The following FBXO11 variants were observed in gnomAD, a reference collection of about 807,000 sequenced individuals.
The protein encoded by FBXO11 is F-box only protein 11.
Under a neutral mutation model 117.0 loss-of-function variants are expected in FBXO11, and 13 were observed. That is an observed-to-expected ratio of 0.11 (90% CI 0.07 to 0.18). FBXO11 has a LOEUF of 0.18. Among genes scored for constraint, FBXO11 ranks in the 10% least tolerant of loss-of-function variants. The pLI is 1.00. For missense variants in FBXO11, 767 were observed against 1,164.4 expected (o/e 0.66, Z 4.97); for synonymous variants, 490 against 380.5 (o/e 1.29, Z -3.35).
chr2:47,874,722 A>G (rs1402394743), intron 1 of FBXO11, among the ~76,000 whole-genome samples: 2 of 152,000 alleles, frequency 1.3e-5, no homozygotes, highest in East Asian at 3.8e-4. Flanking sequence ...TTTAGTAGAG[A>G]TGGGATTTCA....
At chr2:47,894,179 T>C (rs975253173) in intron 1 of FBXO11, among the ~76,000 whole-genome samples, 2 of 152,178 alleles carry the variant, frequency 1.3e-5, no homozygotes, top group Admixed American at 6.5e-5. Context: ...TCAAGGATGC[T>C]GGGCAGAGGC....
rs1671434450 is a variant in FBXO11, at chr2:47,822,103, T to G, written c.1702+115A>C. ...CTCATTTCTTTAAAAAAGAAAAAAA[T>G]TAAAGAGCTGGATCAGTGCTTCCAC... On this transcript the variant is annotated intron_variant, in intron 13 of 22. Coordinates refer to ENST00000403359, the MANE Select transcript of FBXO11 (RefSeq NM_001190274.2). 5.6e-6 allele frequency: 4 copies of G among 720,110 alleles called. No individual in the cohort carries two copies. In the East Asian group the frequency reaches 8.8e-5, roughly 16 times the overall value. The allele number at this position is 720,110 out of a possible 1,614,324, so 44.6% of individuals were successfully genotyped here. A position where few individuals can be genotyped will look rare whatever the true frequency, so the allele number is the denominator to read the frequency against.
In FBXO11 at chr2:47,905,826, A is replaced by T. The variant is rs1212477100; in HGVS notation, c.-106T>A. 1 of 305,840 alleles carries T rather than the reference A, an allele frequency of 3.3e-6. No individual in the cohort carries two copies. Among genetic ancestry groups the T allele is most frequent in the Non-Finnish European group, 5.5e-6 (1 of 181,790 alleles). The allele number at this position is 305,840 out of a possible 1,614,324, so 18.9% of individuals were successfully genotyped here. ...TGGGGAGAGTGGGAGAGGGGGGAGG[A>T]AGGAGAGGGGGCGAGGGGAAGGGGA... On this transcript the variant is annotated 5_prime_UTR_variant, in exon 1 of 23. Transcript: ENST00000403359.
At chr2:47,821,904 C>T (rs532502545) in intron 13 of FBXO11, among the ~76,000 whole-genome samples, 5 of 152,098 alleles carry the variant, frequency 3.3e-5, no homozygotes, top group Non-Finnish European at 7.4e-5. Flanking sequence ...CCAGCCTGGG[C>T]AACAAGGCAA....
chr2:47,831,324 G>A (rs1672167213), intron 11 of FBXO11, among the ~76,000 whole-genome samples: 1 of 149,400 alleles, frequency 6.7e-6, no homozygotes, highest in Admixed American at 6.7e-5. Context: ...GCTGAGACAT[G>A]AGAATCGCTT....
chr2:47,846,289 G>A (rs1208431880), intron 1 of FBXO11, among the ~76,000 whole-genome samples: 1 of 152,148 alleles, frequency 6.6e-6, no homozygotes, highest in African/African-American at 2.4e-5. Context: ...CCAACATGGA[G>A]AAACTCCGTC....
At chr2:47,814,139 G>A (rs1256136543) in intron 16 of FBXO11, 4 of 322,742 alleles carry the variant, frequency 1.2e-5, no homozygotes, top group African/African-American at 6.4e-5. Flanking sequence ...CCCCTCATAT[G>A]TAAAATGAAG....
At position 47,900,628 on chromosome 2, in the gene FBXO11, ACACACACG is replaced by A. The variant is rs1678075666; in HGVS notation, c.232+4853_232+4860del. Among the ~76,000 whole-genome samples the A allele has an allele frequency of 9.8e-5, 4 of 41,010 alleles. 1 individual carries two copies. Among genetic ancestry groups the A allele is most frequent in the South Asian group, 1.2e-3 (1 of 824 alleles). The allele number at this position is 41,010 out of a possible 152,430, so 26.9% of individuals were successfully genotyped here. On this transcript the variant is annotated intron_variant, in intron 1 of 22. Coordinates refer to ENST00000403359, the MANE Select transcript of FBXO11 (RefSeq NM_001190274.2). ...TATACACACGTATATACACACGTATACACACACGTACGTATATACACACGTATACACAC... is the reference window on the plus strand; with the variant it reads ...TATACACACGTATATACACACGTATATACGTATATACACACGTATACACAC...
intron 1 of FBXO11, among the ~76,000 whole-genome samples, chr2:47,861,726 G>A (rs543762747): frequency 1.3e-5 from 2 of 152,150 alleles, no homozygotes; most frequent in Admixed American, 6.6e-5. Flanking sequence ...GGAAAGAGAC[G>A]TCCTTCTCTC....
chr2:47,862,837 C>T (rs943542318), intron 1 of FBXO11, among the ~76,000 whole-genome samples: 2 of 152,010 alleles, frequency 1.3e-5, no homozygotes, highest in Non-Finnish European at 2.9e-5. Context: ...GACAGATCAC[C>T]TGAGGTCAGG....
At chr2:47,891,124 T>C (rs1418594050) in intron 1 of FBXO11, among the ~76,000 whole-genome samples, 1 of 152,074 alleles carries the variant, frequency 6.6e-6, no homozygotes, top group Non-Finnish European at 1.5e-5. Flanking sequence ...GCCAAAACTA[T>C]TACTTTTTAC....
Position 47,808,434 on chromosome 2 carries a change from A to C in FBXO11, c.2556-7T>G, listed in dbSNP as rs548944255. 9 of 1,576,256 alleles carry C rather than the reference A, an allele frequency of 5.7e-6. No individual in the cohort carries two copies. The highest frequency in any genetic ancestry group is 6.9e-6 in the Non-Finnish European group (8 of 1,166,042). ...GGTGTTACAAGTATGACATCTAAAA[A>C]GCAAAAGCTTAAATTACTTTTCTCA... is the stretch of plus-strand genomic sequence containing the variant. On this transcript the variant is annotated splice_region_variant and splice_polypyrimidine_tract_variant and intron_variant, in intron 21 of 22. Coordinates refer to ENST00000403359, the MANE Select transcript of FBXO11 (RefSeq NM_001190274.2).
chr2:47,831,882 GAATTA>G (rs1188144479), intron 11 of FBXO11, among the ~76,000 whole-genome samples: 3 of 152,052 alleles, frequency 2.0e-5, no homozygotes, highest in African/African-American at 7.2e-5. Flanking sequence ...TTTTCAAGAG[GAATTA>G]AATGAAAAGC....
intron 1 of FBXO11, among the ~76,000 whole-genome samples, chr2:47,889,282 T>C (rs1291531040): frequency 6.6e-6 from 1 of 152,226 alleles, no homozygotes; most frequent in African/African-American, 2.4e-5. Flanking sequence ...AATAAATCTG[T>C]GATTGGCTCT....
chr2:47,898,585 A>C (rs1434529861), intron 1 of FBXO11, among the ~76,000 whole-genome samples: 2 of 152,222 alleles, frequency 1.3e-5, no homozygotes, highest in Non-Finnish European at 2.9e-5. Context: ...GATCTCATCA[A>C]CACACTGGAA....
intron 1 of FBXO11, among the ~76,000 whole-genome samples, chr2:47,862,287 T>C (rs1023920723): frequency 2.6e-5 from 4 of 152,106 alleles, no homozygotes; most frequent in Non-Finnish European, 5.9e-5. Context: ...ATCTTGAAAT[T>C]TGAAAAAGCT....
Position 47,822,225 on chromosome 2 carries a change from G to C in FBXO11, c.1695C>G (p.Asp565Glu), listed in dbSNP as rs1192832794. 4 of 1,587,008 alleles carry C rather than the reference G, an allele frequency of 2.5e-6. No individual in the cohort carries two copies. The highest frequency in any genetic ancestry group is 3.4e-6 in the Non-Finnish European group (4 of 1,164,518). ...GDGRGLIEGNDIYGNALAGIQ... is the reference protein window; with the variant it reads ...GDGRGLIEGNEIYGNALAGIQ... ...ACAAAACCATACGCTTACCATAAAT[G>C]TCATTTCCTTCAATAAGGCCTCGTC... The change falls in exon 13 of 23, where the codon GAC becomes GAG. Residue 565 changes from aspartate (D) to glutamate (E), a missense_variant. Asp to Glu is a conservative substitution (Grantham distance 45). This residue lies in a region of FBXO11 where 67 missense variants were observed against 148.8 expected (regional missense o/e 0.45). Coordinates refer to ENST00000403359, the MANE Select transcript of FBXO11 (RefSeq NM_001190274.2).
At chr2:47,904,886 T>C (rs1160076026) in intron 1 of FBXO11, among the ~76,000 whole-genome samples, 1 of 151,588 alleles carries the variant, frequency 6.6e-6, no homozygotes, top group African/African-American at 2.4e-5. Context: ...ACTGTGGGGT[T>C]GGGAGAGGAG....
intron 1 of FBXO11, among the ~76,000 whole-genome samples, chr2:47,884,962 A>G (rs1159329951): frequency 6.6e-6 from 1 of 152,224 alleles, no homozygotes; most frequent in Non-Finnish European, 1.5e-5. Flanking sequence ...TCAGACATCT[A>G]TTAATGAGGA....
Sources: gnomAD v4.1 joint callset for allele counts (sites outside exome capture counted in the v4.1 genomes callset) on GRCh38, gnomAD v4.1.1 for gene constraint, gnomAD v4.1.1 regional missense constraint, MANE v1.5 for transcripts, NCBI Gene and HGNC (gene_info 2026-07-23, HGNC 2026-07-21) for gene names.